RIMBP2: variants seen among roughly 807,000 people sequenced by gnomAD.
The protein encoded by RIMBP2 is RIMS-binding protein 2.
RIMBP2 carries 48 observed loss-of-function variants against 118.6 expected under a neutral mutation model. That is an observed-to-expected ratio of 0.40 (90% CI 0.32 to 0.51). RIMBP2 has a LOEUF of 0.51. RIMBP2 is among the 20% of genes least tolerant of loss of function. The pLI is 0.41. For synonymous variants in RIMBP2, 762 were observed against 742.9 expected, an observed-to-expected ratio of 1.03 and a Z score of -0.42; for missense variants, 1,551 against 1,768.3, an observed-to-expected ratio of 0.88 and a Z score of 2.20.
chr12:130,548,729 G>A (rs1160192229), intron 2 of RIMBP2, among the ~76,000 whole-genome samples: 2 of 151,912 alleles, frequency 1.3e-5, no homozygotes, highest in South Asian at 2.1e-4. Context: ...TCCCACCACC[G>A]TGCCTGGCTA....
rs374176113 is a variant in RIMBP2, at chr12:130,666,101, A to G, written c.-351-37645T>C. Among the ~76,000 whole-genome samples, 23 of 152,252 alleles carry G rather than the reference A, an allele frequency of 1.5e-4. No homozygotes were observed. In the East Asian group the frequency reaches 3.9e-3, roughly 26 times the overall value. ...AGGTGTATGGGTTCTATCTCTGCAC[A>G]TTTTTTTGGTAAGTGTGAAATTATA... On this transcript the variant is annotated intron_variant, in intron 1 of 22. Transcript: ENST00000690449.
At chr12:130,478,151 G>A (rs947623616) in intron 5 of RIMBP2, among the ~76,000 whole-genome samples, 2 of 152,170 alleles carry the variant, frequency 1.3e-5, no homozygotes, top group Admixed American at 6.5e-5. Context: ...GTGCCCAGGA[G>A]GTAAAAATCC....
chr12:130,500,718 C>T (rs769788728), intron 4 of RIMBP2, among the ~76,000 whole-genome samples: 10 of 152,128 alleles, frequency 6.6e-5, no homozygotes, highest in African/African-American at 1.4e-4. Flanking sequence ...TAACACAGGA[C>T]GGGCAGTCTT....
chr12:130,618,802 C>T lies in RIMBP2; in HGVS notation c.-217+9520G>A, dbSNP rs545483695. On this transcript the variant is annotated intron_variant, in intron 2 of 22. Coordinates refer to ENST00000690449, the MANE Select transcript of RIMBP2 (RefSeq NM_001393629.1). ...ATGTAAATGGGAGACTGTGCACGAACGGGATGGAGAAGAGATTTTAGCTGC... is the reference window on the plus strand; with the variant it reads ...ATGTAAATGGGAGACTGTGCACGAATGGGATGGAGAAGAGATTTTAGCTGC... Among the ~76,000 whole-genome samples the T allele has an allele frequency of 3.9e-5, 6 of 152,178 alleles. No homozygotes were observed. In the East Asian group the frequency reaches 1.2e-3, roughly 29 times the overall value.
At chr12:130,552,349 T>C (rs1444100958) in intron 2 of RIMBP2, among the ~76,000 whole-genome samples, 2 of 152,258 alleles carry the variant, frequency 1.3e-5, no homozygotes, top group Non-Finnish European at 2.9e-5. Context: ...TCATGTTTTC[T>C]TTCCAAAAGT....
rs1338455455 is a variant in RIMBP2, at chr12:130,525,905, T to C, written c.-216-7988A>G. Among the ~76,000 whole-genome samples the C allele has an allele frequency of 2.0e-5, 3 of 152,102 alleles. No homozygotes were observed. The East Asian group carries it at 5.8e-4, about 29-fold the overall frequency. ...GAAATTCAAGCTCAAGGAGGTTAAG[T>C]AACTGAGCGAGCAGCCTCCCCCGAG... is the stretch of plus-strand genomic sequence containing the variant. On this transcript the variant is annotated intron_variant, in intron 2 of 22. Transcript: ENST00000690449. This position sits in a 1 kb window ranked among gnomAD's most constrained non-coding sequence, Gnocchi z 4.4.
At position 130,399,719 on chromosome 12, in the gene RIMBP2, T is replaced by C. The variant is rs1363272706; in HGVS notation, c.3860A>G (p.His1287Arg). The C allele has an allele frequency of 6.2e-7, 1 of 1,614,210 alleles. No homozygotes were observed. The change falls in exon 22 of 23, where the codon CAC becomes CGC. Residue 1287 changes from histidine (H) to arginine (R), a missense_variant. Physicochemically the swap from His to Arg is conservative, Grantham distance 29 (BLOSUM62 0). Around this residue, in one of 5 missense-constraint regions of RIMBP2, gnomAD observed 1,038 missense variants for 1,125.1 expected, o/e 0.92. Transcript: ENST00000690449. ...GCGCATTGGCGTATCTTGAGAGTAG[T>C]GGGATGGAGCATCAGAAAGATAGAC... ...VEVYLSDAPS[H>R]YSQDTPMRSK...
chr12:130,632,358 A>G (rs2062045961), intron 1 of RIMBP2, among the ~76,000 whole-genome samples: 1 of 152,202 alleles, frequency 6.6e-6, no homozygotes, highest in African/African-American at 2.4e-5. Flanking sequence ...AAACGAGATT[A>G]CAGGAAGTCA....
chr12:130,448,644 A>G (rs925833300), intron 9 of RIMBP2, among the ~76,000 whole-genome samples: 4 of 152,240 alleles, frequency 2.6e-5, no homozygotes, highest in African/African-American at 7.2e-5. Context: ...GGCCCCGCCA[A>G]CTGTGGCCCT....
chr12:130,658,703 C>T (rs1319434187), intron 1 of RIMBP2: 1 of 152,228 alleles, frequency 6.6e-6, no homozygotes, highest in Non-Finnish European at 1.5e-5. Flanking sequence ...TGAGAAAAAA[C>T]AAGCTCCCTC....
intron 6 of RIMBP2, chr12:130,470,084 C>T (rs973607370): frequency 2.0e-5 from 3 of 152,210 alleles, no homozygotes; most frequent in Non-Finnish European, 4.4e-5. Context: ...GGGACGTAGC[C>T]GTTGTTTCCT....
At chr12:130,546,163 G>C (rs577098664) in intron 2 of RIMBP2, among the ~76,000 whole-genome samples, 2 of 144,944 alleles carry the variant, frequency 1.4e-5, no homozygotes, top group South Asian at 4.3e-4. Flanking sequence ...GAGTGCAGTG[G>C]CGCAATCTTG....
intron 15 of RIMBP2, chr12:130,426,429 GCCA>G (rs1418154941): frequency 2.0e-5 from 3 of 152,330 alleles, no homozygotes; most frequent in African/African-American, 7.2e-5. Context: ...ACAGGCGCGT[GCCA>G]CCACGCCCAG....
rs557804510 is a variant in RIMBP2, at chr12:130,702,307, G to A, written c.-352+13915C>T. 9.9e-5 allele frequency among the ~76,000 whole-genome samples: 15 copies of A among 151,978 alleles called. No individual in the cohort carries two copies. The East Asian group carries it at 2.1e-3, about 22-fold the overall frequency. ...CCAGGTGGGTGGATCACCTGAGGTCGGGAGTTCGAGACCAGCCCGATCAAT... is the reference window on the plus strand; with the variant it reads ...CCAGGTGGGTGGATCACCTGAGGTCAGGAGTTCGAGACCAGCCCGATCAAT... On this transcript the variant is annotated intron_variant, in intron 1 of 22. Coordinates refer to ENST00000690449, the MANE Select transcript of RIMBP2 (RefSeq NM_001393629.1).
chr12:130,486,027 A>G (rs1489352534), intron 4 of RIMBP2, among the ~76,000 whole-genome samples: 1 of 152,048 alleles, frequency 6.6e-6, no homozygotes, highest in African/African-American at 2.4e-5. Context: ...TGGCTTCAGC[A>G]TCTATCTCTC....
At position 130,548,126 on chromosome 12, in the gene RIMBP2, G is replaced by A. The variant is rs1295867833; in HGVS notation, c.-216-30209C>T. The stretch of plus-strand genomic sequence containing the variant: ...CATTCAAAGCATGAACAGGAGTGAC[G>A]GAAGACAAGAAGCCCACGACGGAAG... On this transcript the variant is annotated intron_variant, in intron 2 of 22. Transcript: ENST00000690449. 2.0e-5 allele frequency among the ~76,000 whole-genome samples: 3 copies of A among 151,068 alleles called. 1 individual carries two copies. Among genetic ancestry groups the A allele is most frequent in the Middle Eastern group, 3.4e-3 (1 of 294 alleles).
intron 1 of RIMBP2, among the ~76,000 whole-genome samples, chr12:130,672,942 T>A (rs989709124): frequency 1.6e-4 from 24 of 152,338 alleles, no homozygotes; most frequent in African/African-American, 5.8e-4. Flanking sequence ...CCCAAATTCC[T>A]TCATTCCTCA....
intron 4 of RIMBP2, among the ~76,000 whole-genome samples, chr12:130,485,995 C>A (rs1028398167): frequency 6.6e-6 from 1 of 152,174 alleles, no homozygotes; most frequent in Non-Finnish European, 1.5e-5. Context: ...GCTGGGAGGA[C>A]AAGGTTTGCT....
chr12:130,445,330 C>A, intron 9 of RIMBP2, 61 bp from the exon 10 acceptor site: 1 of 1,189,324 alleles, frequency 8.4e-7, no homozygotes, highest in East Asian at 2.4e-5. Context: ...GCACCCCTGT[C>A]CGTGCAGAAC....
Sources: allele counts gnomAD v4.1 joint callset (sites outside exome capture counted in the v4.1 genomes callset), GRCh38; gene constraint gnomAD v4.1.1; regional missense constraint gnomAD v4.1.1; non-coding constraint Gnocchi (gnomAD v3.1); transcripts MANE v1.5; gene names NCBI Gene and HGNC (gene_info 2026-07-23, HGNC 2026-07-21).